The following PPP6R2 variants were observed in gnomAD, a reference collection of about 807,000 sequenced individuals.
PPP6R2 encodes protein phosphatase 6 regulatory subunit 2.
A neutral mutation model predicts 100.2 loss-of-function variants in PPP6R2; 62 were observed. The observed-to-expected ratio is 0.62, with a 90% CI of 0.50 to 0.76. The LOEUF (loss-of-function observed/expected upper bound fraction) is 0.76. PPP6R2 is among the 30% of genes least tolerant of loss of function. The probability of loss-of-function intolerance (pLI) is 0.00; values close to 1 mark genes in which losing one functional copy is unlikely to be tolerated. For synonymous variants in PPP6R2, 525 were observed against 514.7 expected (o/e 1.02, Z -0.27); for missense variants, 1,142 against 1,276.3 (o/e 0.89, Z 1.60).
intron 1 of PPP6R2, among the ~76,000 whole-genome samples, chr22:50,358,213 C>T (rs1366485691): frequency 1.3e-5 from 2 of 152,162 alleles, no homozygotes; most frequent in African/African-American, 2.4e-5. Context: ...CCTTTAGCCT[C>T]CTGAGTCGCT....
At position 50,365,417 on chromosome 22, in the gene PPP6R2, G is replaced by A. The variant is rs188575779; in HGVS notation, c.-147-6603G>A. 5.2e-4 allele frequency among the ~76,000 whole-genome samples: 79 copies of A among 151,992 alleles called. 1 individual carries two copies. The East Asian group carries it at 0.015, about 28-fold the overall frequency. On this transcript the variant is annotated intron_variant, in intron 1 of 23. Coordinates refer to ENST00000612753, the MANE Select transcript of PPP6R2 (RefSeq NM_001242898.2). ...ATTTAGGCTGGGCATAGTGGCTCAC[G>A]CCTGTAATCCCAGCACTTTCGGAGG... is the stretch of plus-strand genomic sequence containing the variant.
rs1047941373 is a variant in PPP6R2 at position 50,355,855 on chromosome 22, AAAAAAAAAGCTTTT to A, written c.-148+12311_-148+12324del. On this transcript the variant is annotated intron_variant, in intron 1 of 23. Transcript: ENST00000612753. Reference sequence around the variant, plus strand: ...TCTTTAAAATGGAAAAAAAAAAACCAAAAAAAAAGCTTTTAAAAATTTTTCTCTTTTAAAAAGTG... The same window carrying A: ...TCTTTAAAATGGAAAAAAAAAAACCAAAAAATTTTTCTCTTTTAAAAAGTG... Among the ~76,000 whole-genome samples the A allele has an allele frequency of 2.5e-3, 376 of 149,792 alleles. 3 individuals are homozygous for A. The highest frequency in any genetic ancestry group is 8.6e-3 in the African/African-American group (352 of 40,974).
At chr22:50,358,621 C>T (rs1336796776) in intron 1 of PPP6R2, among the ~76,000 whole-genome samples, 1 of 152,068 alleles carries the variant, frequency 6.6e-6, no homozygotes, top group Non-Finnish European at 1.5e-5. Context: ...TTCATTGTCC[C>T]CAGAATTTCC....
At chr22:50,415,229 G>A (rs1367080381) in intron 5 of PPP6R2, among the ~76,000 whole-genome samples, 2 of 152,226 alleles carry the variant, frequency 1.3e-5, no homozygotes, top group Non-Finnish European at 2.9e-5. Flanking sequence ...ACAAACTTCT[G>A]CTCACTGTTC....
At chr22:50,390,001 T>C (rs2055122866) in intron 2 of PPP6R2, among the ~76,000 whole-genome samples, 1 of 151,072 alleles carries the variant, frequency 6.6e-6, no homozygotes. Context: ...TTTTTTTCTT[T>C]TTTTTTTTGA....
chr22:50,436,337 A>G lies in PPP6R2; in HGVS notation c.1517-30A>G, dbSNP rs762004161. On this transcript the variant is annotated intron_variant, in intron 13 of 23. Transcript: ENST00000612753. Reference sequence around the variant, plus strand: ...CTGCACCATCTGCACGGGGTCTCCCAGGGCTCACCAGGCAGCACTTCCCTT... The same window carrying G: ...CTGCACCATCTGCACGGGGTCTCCCGGGGCTCACCAGGCAGCACTTCCCTT... 1.9e-6 allele frequency: 3 copies of G among 1,552,282 alleles called. No individual in the cohort carries two copies. In the Admixed American group the frequency reaches 5.9e-5, roughly 30 times the overall value.
chr22:50,378,164 G>A (rs762546112), intron 2 of PPP6R2, among the ~76,000 whole-genome samples: 1 of 152,224 alleles, frequency 6.6e-6, no homozygotes, highest in Non-Finnish European at 1.5e-5. Flanking sequence ...GCAGCAGTAA[G>A]AATGATGGCT....
chr22:50,381,090 G>A (rs1411273423), intron 2 of PPP6R2, among the ~76,000 whole-genome samples: 1 of 149,884 alleles, frequency 6.7e-6, no homozygotes, highest in Non-Finnish European at 1.5e-5. Context: ...CTCCAGCCTG[G>A]GTGACAGGAA....
Position 50,414,717 on chromosome 22 carries a change from C to T in PPP6R2, c.552+28C>T, listed in dbSNP as rs551781474. On this transcript the variant is annotated intron_variant, in intron 5 of 23. Transcript: ENST00000612753. ...GAGTGCGGGAGTCCCCCCCCGTTCC[C>T]GAGGGCAGGGGTGCTGCAGGAAGCC... 80 of 1,604,132 alleles carry T rather than the reference C, an allele frequency of 5.0e-5. 1 individual carries two copies. In the South Asian group the frequency reaches 8.2e-4, roughly 16 times the overall value.
At chr22:50,408,455 G>A (rs2059290126) in intron 4 of PPP6R2, among the ~76,000 whole-genome samples, 1 of 152,146 alleles carries the variant, frequency 6.6e-6, no homozygotes, top group Non-Finnish European at 1.5e-5. Flanking sequence ...GCCGCCAGGG[G>A]ACTGCCTCAC....
intron 5 of PPP6R2, among the ~76,000 whole-genome samples, 174 bp downstream of exon 5, chr22:50,414,863 C>A (rs1272593416): frequency 2.0e-5 from 3 of 152,256 alleles, no homozygotes; most frequent in Non-Finnish European, 4.4e-5. Context: ...TGTACCTTTT[C>A]CACTGTCCCG....
chr22:50,383,243 T>C (rs1221122058), intron 2 of PPP6R2, among the ~76,000 whole-genome samples: 1 of 152,202 alleles, frequency 6.6e-6, no homozygotes, highest in African/African-American at 2.4e-5. Flanking sequence ...AAGATGTTGG[T>C]GTTTTTATAT....
chr22:50,349,224 C>T (rs2044438440), intron 1 of PPP6R2, among the ~76,000 whole-genome samples: 1 of 141,452 alleles, frequency 7.1e-6, no homozygotes, highest in African/African-American at 2.6e-5. Context: ...AAAAGTTGGG[C>T]ATGGTGGTGT....
chr22:50,404,892 G>T (rs2058610403), intron 3 of PPP6R2, among the ~76,000 whole-genome samples: 1 of 152,182 alleles, frequency 6.6e-6, no homozygotes, highest in East Asian at 1.9e-4. Flanking sequence ...GCAGGGTCAT[G>T]CACCAGGCCT....
At chr22:50,407,755 C>T (rs2059174916) in intron 4 of PPP6R2, among the ~76,000 whole-genome samples, 1 of 152,252 alleles carries the variant, frequency 6.6e-6, no homozygotes, top group Non-Finnish European at 1.5e-5. Context: ...GTCCCTGTGC[C>T]TGCACCCTGC....
At chr22:50,387,732 AAG>A (rs1209792000) in intron 2 of PPP6R2, among the ~76,000 whole-genome samples, 1 of 152,128 alleles carries the variant, frequency 6.6e-6, no homozygotes, top group Non-Finnish European at 1.5e-5. Context: ...TGGAAGAGGG[AAG>A]AGAGGTATGA....
chr22:50,337,180 GGTGTGTGC>G, the PPP6R2 span, among the ~76,000 whole-genome samples: 4 of 143,878 alleles, frequency 2.8e-5, no homozygotes, highest in East Asian at 4.1e-4. Context: ...GTGTGTGTGG[GGTGTGTGC>G]GTGTGTGCTG....
rs199821394 is a variant in PPP6R2, at chr22:50,441,057, C to T, written c.2579+31C>T. 46 of 1,495,168 alleles carry T rather than the reference C, an allele frequency of 3.1e-5. No individual in the cohort carries two copies. The African/African-American group carries it at 4.0e-4, about 13-fold the overall frequency. 92.6% of individuals were successfully genotyped at this position (1,495,168 alleles called of 1,614,324 possible). On this transcript the variant is annotated intron_variant, in intron 22 of 23. Transcript: ENST00000612753. Reference sequence around the variant, plus strand: ...TGGGGCGTGGCGGGGGCGGGCCTGCCGGGTGCATAGGGCGTGGCTTCCAGG... The same window carrying T: ...TGGGGCGTGGCGGGGGCGGGCCTGCTGGGTGCATAGGGCGTGGCTTCCAGG...
the PPP6R2 span, among the ~76,000 whole-genome samples, chr22:50,337,992 ATGT>A: frequency 1.2e-5 from 1 of 81,162 alleles, no homozygotes; most frequent in Non-Finnish European, 2.4e-5. Context: ...TAGGGTGTGT[ATGT>A]TGTGTGGGTA....
Sources: allele counts gnomAD v4.1 joint callset (sites outside exome capture counted in the v4.1 genomes callset), GRCh38; gene constraint gnomAD v4.1.1; transcripts MANE v1.5; gene names NCBI Gene and HGNC (gene_info 2026-07-23, HGNC 2026-07-21).